The following DPP10 variants were observed in gnomAD, a reference collection of about 807,000 sequenced individuals.
DPP10 encodes inactive dipeptidyl peptidase 10.
A neutral mutation model predicts 120.9 loss-of-function variants in DPP10; 33 were observed. That is an observed-to-expected ratio of 0.27 (90% CI 0.21 to 0.37). DPP10 has a LOEUF of 0.37. Ranked by LOEUF, DPP10 falls within the 10% of genes least tolerant of loss-of-function variation. The pLI is 1.00. For synonymous variants in DPP10, 337 were observed against 326.1 expected (o/e 1.03, Z -0.36); for missense variants, 816 against 942.8 (o/e 0.87, Z 1.76).
At position 114,642,173 on chromosome 2, in the gene DPP10, C is replaced by A. The variant is rs895726525; in HGVS notation, c.60+199335C>A. 7.2e-5 allele frequency among the ~76,000 whole-genome samples: 11 copies of A among 151,908 alleles called. 1 individual carries two copies. Among genetic ancestry groups the A allele is most frequent in the South Asian group, 2.1e-4 (1 of 4,812 alleles). ...TATTTATATACTGGCATTTAAAAAACCAAATATTCTCATAGTTCTCTTCAA... is the reference window on the plus strand; with the variant it reads ...TATTTATATACTGGCATTTAAAAAAACAAATATTCTCATAGTTCTCTTCAA... On this transcript the variant is annotated intron_variant, in intron 1 of 25. Transcript: ENST00000410059.
At chr2:115,724,976 G>T (rs745519236) in intron 7 of DPP10, among the ~76,000 whole-genome samples, 4 of 152,050 alleles carry the variant, frequency 2.6e-5, no homozygotes, top group Non-Finnish European at 5.9e-5. Flanking sequence ...AGCTGTGAGG[G>T]ATGCATGCCC....
intron 1 of DPP10, among the ~76,000 whole-genome samples, chr2:114,513,623 AAAAG>A (rs61159493): frequency 0.14 from 21,268 of 150,282 alleles, 1,603 homozygotes; most frequent in Middle Eastern, 0.25. Context: ...GAAGGGAGGA[AAAAG>A]AAAGAAAGAA....
intron 2 of DPP10, 132 bp downstream of exon 2, chr2:115,309,485 G>A (rs2061494382): frequency 1.4e-6 from 1 of 733,254 alleles, no homozygotes; most frequent in Admixed American, 3.2e-5. Context: ...TGGAAAAAAA[G>A]CATAATCAGA....
At chr2:114,777,094 A>G (rs541750940) in intron 1 of DPP10, among the ~76,000 whole-genome samples, 119 of 152,312 alleles carry the variant, frequency 7.8e-4, no homozygotes, top group African/African-American at 2.7e-3. Flanking sequence ...CAGGCTTTAC[A>G]TATGTTAAGA....
At chr2:114,648,829 T>C (rs1696341169) in intron 1 of DPP10, among the ~76,000 whole-genome samples, 1 of 152,200 alleles carries the variant, frequency 6.6e-6, no homozygotes. Context: ...AAGTGAGCTA[T>C]TTTTGATGAT....
At chr2:115,291,146 G>A (rs1338041564) in intron 1 of DPP10, among the ~76,000 whole-genome samples, 1 of 151,992 alleles carries the variant, frequency 6.6e-6, no homozygotes, top group Non-Finnish European at 1.5e-5. Context: ...TGGGATTACA[G>A]GTATGTGCCG....
chr2:114,679,945 G>A (rs1698916792), intron 1 of DPP10, among the ~76,000 whole-genome samples: 1 of 151,958 alleles, frequency 6.6e-6, no homozygotes, highest in Non-Finnish European at 1.5e-5. Context: ...CAGGATATAG[G>A]AAACCATTCT....
chr2:115,794,340 CT>C (rs2149929941), intron 19 of DPP10, among the ~76,000 whole-genome samples: 1 of 152,272 alleles, frequency 6.6e-6, no homozygotes, highest in Non-Finnish European at 1.5e-5. Context: ...AAAGACTGCC[CT>C]GGAAGAAAGT....
chr2:115,545,638 A>C (rs2079455468), intron 5 of DPP10, among the ~76,000 whole-genome samples: 1 of 152,142 alleles, frequency 6.6e-6, no homozygotes, highest in Non-Finnish European at 1.5e-5. Context: ...TCAGAAGTTT[A>C]ATTCATGTAT....
intron 1 of DPP10, among the ~76,000 whole-genome samples, chr2:115,003,857 A>G (rs1701624170): frequency 6.6e-6 from 1 of 152,128 alleles, no homozygotes; most frequent in Admixed American, 6.5e-5. Context: ...AGTATATAAA[A>G]TTATATATTC....
intron 1 of DPP10, among the ~76,000 whole-genome samples, chr2:114,521,512 GA>G (rs1402893925): frequency 2.6e-5 from 4 of 151,978 alleles, no homozygotes; most frequent in African/African-American, 9.7e-5. Flanking sequence ...GTCAGACATA[GA>G]AGATACAAAT....
Position 114,442,643 on chromosome 2 carries a change from A to G in DPP10, c.-136A>G, listed in dbSNP as rs747017269. On this transcript the variant is annotated 5_prime_UTR_variant, in exon 1 of 26. Coordinates refer to ENST00000410059, the MANE Select transcript of DPP10 (RefSeq NM_020868.6). ...CGGAGTGAGGAAGCAGCAGAAACAG[A>G]AGCAGCAGAAGCAACAGCAGTAGCA... is the stretch of plus-strand genomic sequence containing the variant. 1.1e-6 allele frequency: 1 copy of G among 927,322 alleles called. No homozygotes were observed. 57.4% of individuals were successfully genotyped at this position (927,322 alleles called of 1,614,324 possible). A position where few individuals can be genotyped will look rare whatever the true frequency, so the allele number is the denominator to read the frequency against.
intron 1 of DPP10, among the ~76,000 whole-genome samples, chr2:114,764,121 A>ACTTCCT (rs1680509218): frequency 6.6e-6 from 1 of 152,194 alleles, no homozygotes; most frequent in African/African-American, 2.4e-5. Context: ...AGTTACTAGG[A>ACTTCCT]AGTCTTCAAC....
chr2:115,517,836 A>G (rs1437191971), intron 4 of DPP10, among the ~76,000 whole-genome samples: 1 of 152,194 alleles, frequency 6.6e-6, no homozygotes, highest in Non-Finnish European at 1.5e-5. Flanking sequence ...CTTATCTACT[A>G]GTTCATTTTG....
intron 1 of DPP10, among the ~76,000 whole-genome samples, chr2:114,772,145 A>G (rs1038241236): frequency 6.6e-6 from 1 of 150,612 alleles, no homozygotes; most frequent in African/African-American, 2.4e-5. Flanking sequence ...TATTTTATTT[A>G]TTAATATTAT....
intron 2 of DPP10, among the ~76,000 whole-genome samples, chr2:115,336,567 CTCTCTCTCTCTCTCTG>C (rs1259654287): frequency 6.7e-6 from 1 of 149,104 alleles, no homozygotes; most frequent in East Asian, 2.0e-4. Flanking sequence ...TACTCTCTCT[CTCTCTCTCTCTCTCTG>C]TCTCTCTCTC....
intron 7 of DPP10, among the ~76,000 whole-genome samples, chr2:115,722,477 G>A (rs1280790777): frequency 1.3e-5 from 2 of 151,796 alleles, no homozygotes; most frequent in Admixed American, 1.3e-4. Flanking sequence ...TTTTGTCGTT[G>A]TGCAAACATC....
At chr2:114,804,875 T>G (rs1684585214) in intron 1 of DPP10, among the ~76,000 whole-genome samples, 1 of 152,088 alleles carries the variant, frequency 6.6e-6, no homozygotes. Flanking sequence ...GGTTTTGAAA[T>G]GTGGGGACAT....
At chr2:115,600,430 T>C (rs2083253301) in intron 5 of DPP10, among the ~76,000 whole-genome samples, 1 of 152,250 alleles carries the variant, frequency 6.6e-6, no homozygotes, top group African/African-American at 2.4e-5. Flanking sequence ...AAACATACTT[T>C]GGAAAAGGAC....
Sources: allele counts gnomAD v4.1 joint callset (sites outside exome capture counted in the v4.1 genomes callset), GRCh38; gene constraint gnomAD v4.1.1; transcripts MANE v1.5; gene names NCBI Gene and HGNC (gene_info 2026-07-23, HGNC 2026-07-21).